The following COA6 variants were observed in gnomAD, a reference collection of about 807,000 sequenced individuals.
COA6 encodes the protein cytochrome c oxidase assembly factor 6.
In COA6, 12 loss-of-function variants were observed where a neutral mutation model predicts 17.1. The ratio of observed to expected loss-of-function variants is 0.70; its 90% confidence interval spans 0.45 to 1.14. The LOEUF is 1.14. Among genes scored for constraint, COA6 ranks in the 50% most tolerant of loss-of-function variants. The pLI is 0.00. For synonymous variants in COA6, 90 were observed against 73.4 expected, an observed-to-expected ratio of 1.23 and a Z score of -1.16; for missense variants, 246 against 196.5, an observed-to-expected ratio of 1.25 and a Z score of -1.51.
intron 2 of COA6, among the ~76,000 whole-genome samples, chr1:234,375,264 G>A (rs192415324): frequency 8.1e-4 from 124 of 152,250 alleles, no homozygotes; most frequent in Non-Finnish European, 1.6e-3. Context: ...CCAAGATCAC[G>A]CCACTGCATT....
At chr1:234,383,678 G>C (rs760440559) in intron 2 of COA6, 45 bp from the exon 3 acceptor site, 2 of 791,466 alleles carry the variant, frequency 2.5e-6, no homozygotes, top group East Asian at 2.4e-5. Flanking sequence ...GCTTATCTAA[G>C]CTGCATAACT....
At chr1:234,378,959 A>G (rs1184507656) in intron 2 of COA6, among the ~76,000 whole-genome samples, 2 of 151,858 alleles carry the variant, frequency 1.3e-5, no homozygotes, top group East Asian at 1.9e-4. Flanking sequence ...AGAAAATAGC[A>G]TAAGTTAGAG....
At chr1:234,381,511 G>A (rs1658971571) in intron 2 of COA6, among the ~76,000 whole-genome samples, 2 of 152,240 alleles carry the variant, frequency 1.3e-5, no homozygotes, top group Admixed American at 1.3e-4. Flanking sequence ...GAAGCCATCA[G>A]TGGCCTCGTT....
chr1:234,374,110 T>C, intron 1 of COA6, 120 bp from the exon 2 acceptor site: 3 of 1,112,280 alleles, frequency 2.7e-6, no homozygotes, highest in Non-Finnish European at 3.6e-6. Context: ...TGTTTTGTTT[T>C]TGTTTTTTTT....
At chr1:234,380,459 G>A (rs949902689) in intron 2 of COA6, among the ~76,000 whole-genome samples, 51 of 152,198 alleles carry the variant, frequency 3.4e-4, no homozygotes, top group African/African-American at 1.0e-3. Context: ...AAGTAGTAGA[G>A]AGAGGATTTG....
intron 1 of COA6, 78 bp downstream of exon 1, chr1:234,373,756 G>T: frequency 6.2e-7 from 1 of 1,613,848 alleles, no homozygotes; most frequent in Non-Finnish European, 8.5e-7. Context: ...CCGAGCCGCG[G>T]GTTCCTCTTG....
At chr1:234,382,433 A>G (rs1231223956) in intron 2 of COA6, among the ~76,000 whole-genome samples, 1 of 152,194 alleles carries the variant, frequency 6.6e-6, no homozygotes, top group African/African-American at 2.4e-5. Flanking sequence ...AGATTTCCCA[A>G]TGAATAAGAA....
chr1:234,377,961 A>G (rs10752784), intron 2 of COA6, among the ~76,000 whole-genome samples: 83,038 of 152,052 alleles, frequency 0.55, 24,366 homozygotes, highest in African/African-American at 0.77. Context: ...GCTCTCTGTA[A>G]CCAGTCTTGC....
At chr1:234,381,083 T>C (rs535278039) in intron 2 of COA6, among the ~76,000 whole-genome samples, 15 of 152,296 alleles carry the variant, frequency 9.8e-5, no homozygotes, top group Admixed American at 2.6e-4. Context: ...TCTAACAAAG[T>C]TCCACAAACA....
At chr1:234,382,407 A>G (rs761094511) in intron 2 of COA6, among the ~76,000 whole-genome samples, 13 of 152,214 alleles carry the variant, frequency 8.5e-5, no homozygotes, top group Non-Finnish European at 1.5e-4. Flanking sequence ...CTGGTAGTTA[A>G]TGATTTTAGA....
intron 1 of COA6, chr1:234,374,027 A>C (rs1484501726): frequency 2.2e-6 from 2 of 927,834 alleles, no homozygotes; most frequent in East Asian, 5.3e-5. Flanking sequence ...AAGCCTCAAG[A>C]GCGGGTGGCC....
intron 2 of COA6, among the ~76,000 whole-genome samples, chr1:234,381,889 G>A (rs1432403975): frequency 1.3e-5 from 2 of 152,230 alleles, no homozygotes; most frequent in Non-Finnish European, 2.9e-5. Flanking sequence ...GGCAGTTGGA[G>A]ATGTGACAGG....
chr1:234,381,319 G>T (rs1658965270), intron 2 of COA6, among the ~76,000 whole-genome samples: 2 of 152,166 alleles, frequency 1.3e-5, no homozygotes. Context: ...TGTGTTGAGG[G>T]TTTAGGCTGT....
rs771288877 is a variant in COA6 at position 234,383,987 on chromosome 1, A to T, written c.*169A>T. The T allele has an allele frequency of 2.2e-4, 102 of 454,874 alleles. No individual in the cohort carries two copies. Among genetic ancestry groups the T allele is most frequent in the Non-Finnish European group, 3.4e-4 (86 of 249,844 alleles). 28.2% of individuals were successfully genotyped at this position (454,874 alleles called of 1,614,324 possible). On this transcript the variant is annotated 3_prime_UTR_variant, in exon 3 of 3. Transcript: ENST00000366615. ...AAGATCTGTGAAGAAATGAAATAAA[A>T]TGGTATTTAGTAAGAAATCTCTATT... is the stretch of plus-strand genomic sequence containing the variant.
intron 2 of COA6, among the ~76,000 whole-genome samples, chr1:234,375,875 C>T (rs142260830): frequency 0.014 from 2,154 of 152,146 alleles, 37 homozygotes; most frequent in African/African-American, 0.042. Context: ...AGGCTGGGCT[C>T]GAACTCCTGG....
intron 2 of COA6, 138 bp from the exon 3 acceptor site, chr1:234,383,585 C>A: frequency 3.4e-6 from 2 of 580,204 alleles, no homozygotes; most frequent in South Asian, 2.3e-5. Context: ...CACACACACA[C>A]ACACACACAC....
In COA6 at chr1:234,373,577, TG is replaced by T; in HGVS notation, c.113del (p.Gly38AlafsTer16). On this transcript the variant is annotated frameshift_variant, in exon 1 of 3. Transcript: ENST00000366615. LOFTEE classifies it high-confidence loss of function. ...TTGAGCCAGCGGGGCGACCCTGCAG[TG>T]GCAGGACTCGGCACCGCGCCCTCCA... is the stretch of plus-strand genomic sequence containing the variant. Reference protein sequence around the residue: ...ELEPAGRPCSGRTRHRALHRR... With the variant: ...ELEPAGRPCSXRTRHRALHRR... The T allele has an allele frequency of 1.2e-6, 2 of 1,612,096 alleles. No homozygotes were observed. Among genetic ancestry groups the T allele is most frequent in the Non-Finnish European group, 1.7e-6 (2 of 1,179,434 alleles).
Position 234,373,694 on chromosome 1 carries a change from G to A in COA6, c.212+16G>A. On this transcript the variant is annotated intron_variant, in intron 1 of 2. Coordinates refer to ENST00000366615, the MANE Select transcript of COA6 (RefSeq NM_001206641.3). Reference sequence around the variant, plus strand: ...GGGCAGAGAGGTCGGCTTGCTGATGGGTCCGGGTGGGGCGCGCGTGGACTA... The same window carrying A: ...GGGCAGAGAGGTCGGCTTGCTGATGAGTCCGGGTGGGGCGCGCGTGGACTA... 1.2e-6 allele frequency: 2 copies of A among 1,613,046 alleles called. No homozygotes were observed. The highest frequency in any genetic ancestry group is 1.7e-6 in the Non-Finnish European group (2 of 1,179,224).
At position 234,384,866 on chromosome 1, in the gene COA6, A is replaced by G. The variant is rs924456012; in HGVS notation, c.*1048A>G. Among the ~76,000 whole-genome samples the G allele has an allele frequency of 6.6e-5, 10 of 152,242 alleles. No homozygotes were observed. On this transcript the variant is annotated 3_prime_UTR_variant, in exon 3 of 3. Coordinates refer to ENST00000366615, the MANE Select transcript of COA6 (RefSeq NM_001206641.3). ...TGATTTAAAGTATAGGCATACCTCA[A>G]AGATACTGCAGGTTTGGTTACAGAC...
Sources: allele counts gnomAD v4.1 joint callset (sites outside exome capture counted in the v4.1 genomes callset), GRCh38; gene constraint gnomAD v4.1.1; transcripts MANE v1.5; gene names NCBI Gene and HGNC (gene_info 2026-07-23, HGNC 2026-07-21).